Variants in CCDC30 observed in about 807,000 individuals in gnomAD.
The protein encoded by CCDC30 is coiled-coil domain-containing protein 30.
Under a neutral mutation model 100.2 loss-of-function variants are expected in CCDC30, and 70 were observed. The ratio of observed to expected loss-of-function variants is 0.70; its 90% confidence interval spans 0.58 to 0.85. The LOEUF is 0.85. CCDC30 is among the 40% of genes least tolerant of loss of function. The pLI, the probability that CCDC30 is intolerant of heterozygous loss-of-function variation, is 0.00. For synonymous variants in CCDC30, 233 were observed against 269.5 expected (o/e 0.86, Z 1.33); for missense variants, 652 against 771.2 (o/e 0.85, Z 1.83).
intron 1 of CCDC30, among the ~76,000 whole-genome samples, chr1:42,478,172 C>G (rs867859170): frequency 1.4e-4 from 21 of 152,222 alleles, no homozygotes; most frequent in African/African-American, 4.8e-4. Flanking sequence ...GGGCAGCTAA[C>G]ATGATCTGAT....
chr1:42,537,044 A>T, intron 6 of CCDC30: 1 of 371,084 alleles, frequency 2.7e-6, no homozygotes, highest in Non-Finnish European at 5.3e-6. Context: ...ATGAATAGGG[A>T]GGGAGAGCAC....
chr1:42,492,882 T>C (rs899323456), intron 4 of CCDC30, among the ~76,000 whole-genome samples: 2 of 152,194 alleles, frequency 1.3e-5, no homozygotes, highest in Non-Finnish European at 2.9e-5. Context: ...CCTGACCTTG[T>C]GATCCACCCG....
chr1:42,602,219 A>G (rs1381750500), intron 10 of CCDC30, among the ~76,000 whole-genome samples: 1 of 152,122 alleles, frequency 6.6e-6, no homozygotes, highest in Non-Finnish European at 1.5e-5. Context: ...TAAGCTGAAA[A>G]AAAAAGAAAT....
At chr1:42,568,296 G>T (rs1645650492) in intron 7 of CCDC30, among the ~76,000 whole-genome samples, 1 of 152,048 alleles carries the variant, frequency 6.6e-6, no homozygotes, top group African/African-American at 2.4e-5. Context: ...TGTATTTTTA[G>T]TAGAGGCAGG....
rs181323707 is a variant in CCDC30 at position 42,487,472 on chromosome 1, T to C, written c.170-2686T>C. Among the ~76,000 whole-genome samples the C allele has an allele frequency of 2.0e-5, 3 of 152,138 alleles. No homozygotes were observed. In the East Asian group the frequency reaches 5.8e-4, roughly 29 times the overall value. The stretch of plus-strand genomic sequence containing the variant: ...AATCTAGATGCTGCTGTGAAGAGAT[T>C]TTGTAAGCGTAGTTACGGTCCCAAA... On this transcript the variant is annotated intron_variant, in intron 3 of 16. Coordinates refer to ENST00000668663, the Ensembl canonical transcript of CCDC30.
exon 1 of CCDC30, chr1:42,463,580 C>T (rs1278274674): frequency 6.6e-6 from 1 of 152,314 alleles, no homozygotes; most frequent in Non-Finnish European, 1.5e-5. Flanking sequence ...GCCCGTTTTC[C>T]CCGGACCCAG....
chr1:42,605,348 A>G (rs767372236), intron 10 of CCDC30, among the ~76,000 whole-genome samples: 2 of 152,134 alleles, frequency 1.3e-5, no homozygotes. Flanking sequence ...CTATAAACCC[A>G]CCCCAAATTT....
At chr1:42,606,744 C>T (rs894914351) in intron 10 of CCDC30, among the ~76,000 whole-genome samples, 4 of 152,114 alleles carry the variant, frequency 2.6e-5, no homozygotes, top group Admixed American at 2.6e-4. Flanking sequence ...CTAGTGACGT[C>T]GGAAATGCTG....
the CCDC30 span, chr1:42,457,046 G>A: frequency 1.3e-6 from 2 of 1,599,924 alleles, no homozygotes; most frequent in Middle Eastern, 3.3e-4. Context: ...TCTGTTGCAG[G>A]CTGCGGCCCA....
chr1:42,613,549 C>A (rs6658145), intron 11 of CCDC30, among the ~76,000 whole-genome samples: 2,653 of 152,222 alleles, frequency 0.017, 69 homozygotes, highest in African/African-American at 0.061. Context: ...CCACCGTGCC[C>A]GGCCTATTCA....
At chr1:42,492,752 A>T (rs1020038829) in intron 4 of CCDC30, among the ~76,000 whole-genome samples, 16 of 152,030 alleles carry the variant, frequency 1.1e-4, no homozygotes, top group Non-Finnish European at 1.9e-4. Flanking sequence ...GGTTCAAGCA[A>T]TTCTCTGCCT....
intron 9 of CCDC30, 64 bp downstream of exon 13, chr1:42,581,578 C>G (rs1244380951): frequency 2.1e-6 from 3 of 1,453,704 alleles, no homozygotes; most frequent in Non-Finnish European, 2.8e-6. Context: ...TCAGCAATAT[C>G]AATTTTTTCT....
chr1:42,490,199 A>C, exon 4 of CCDC30: 1 of 1,212,550 alleles, frequency 8.2e-7, no homozygotes. Flanking sequence ...TGACAAATTG[A>C]AGGAAAATTT....
rs535092155 is a variant in CCDC30, at chr1:42,497,759, A to T, written c.357+546A>T. On this transcript the variant is annotated intron_variant, in intron 5 of 16. Coordinates refer to ENST00000668663, the Ensembl canonical transcript of CCDC30. ...CAAGAGTGACTAAAGACCCATCAGG[A>T]TGGCTAATATCAAAACAACAGAGAA... Among the ~76,000 whole-genome samples, 3 of 152,332 alleles carry T rather than the reference A, an allele frequency of 2.0e-5. No homozygotes were observed. In the East Asian group the frequency reaches 5.8e-4, roughly 29 times the overall value.
chr1:42,471,016 GGA>G (rs1643753560), intron 1 of CCDC30, among the ~76,000 whole-genome samples: 1 of 152,092 alleles, frequency 6.6e-6, no homozygotes, highest in South Asian at 2.1e-4. Context: ...GGTGTTAGAG[GGA>G]GACACATGGA....
At chr1:42,600,800 C>T (rs967645054) in intron 10 of CCDC30, among the ~76,000 whole-genome samples, 4 of 136,222 alleles carry the variant, frequency 2.9e-5, no homozygotes, top group Non-Finnish European at 6.6e-5. Context: ...TATAACATTT[C>T]CCCCTGTGCT....
At chr1:42,480,707 G>A (rs950803916) in intron 2 of CCDC30, 141 bp downstream of exon 2, 16 of 774,314 alleles carry the variant, frequency 2.1e-5, no homozygotes, top group Non-Finnish European at 2.0e-5. Flanking sequence ...AAGAACCTGT[G>A]TAACAGTCTA....
intron 3 of CCDC30, chr1:42,483,050 C>T (rs1643990894): frequency 3.1e-6 from 1 of 317,506 alleles, no homozygotes; most frequent in African/African-American, 2.1e-5. Context: ...AAGAAATTCC[C>T]AGCCTCTCAG....
intron 6 of CCDC30, among the ~76,000 whole-genome samples, chr1:42,561,543 G>A (rs1645487361): frequency 6.6e-6 from 1 of 152,138 alleles, no homozygotes; most frequent in Admixed American, 6.5e-5. Context: ...TTGAAAACCA[G>A]TGCAAGACAA....
Sources: allele counts gnomAD v4.1 joint callset (sites outside exome capture counted in the v4.1 genomes callset), GRCh38; gene constraint gnomAD v4.1.1; transcripts MANE v1.5; gene names NCBI Gene and HGNC (gene_info 2026-07-23, HGNC 2026-07-21).